Variants in LRRC7 observed in about 807,000 individuals in gnomAD.
LRRC7 encodes leucine rich repeat containing 7.
In LRRC7, 23 loss-of-function variants were observed where a neutral mutation model predicts 175.7. That is an observed-to-expected ratio of 0.13 (90% confidence interval 0.09 to 0.19). LRRC7 has a LOEUF of 0.19. Among genes scored for constraint, LRRC7 ranks in the 10% least tolerant of loss-of-function variants. LRRC7 has a pLI of 1.00. For synonymous variants in LRRC7, 685 were observed against 680.9 expected, an observed-to-expected ratio of 1.01 and a Z score of -0.09; for missense variants, 1,354 against 1,904.7, an observed-to-expected ratio of 0.71 and a Z score of 5.38.
chr1:69,887,455 G>GT (rs1168105154), intron 7 of LRRC7, among the ~76,000 whole-genome samples: 1 of 144,480 alleles, frequency 6.9e-6, no homozygotes, highest in Non-Finnish European at 1.5e-5. Flanking sequence ...TCGAGCCTTG[G>GT]TTTTCAGCTC....
chr1:69,608,852 CTCTCTCTCTCTCTCTA>C (rs1236987438), intron 1 of LRRC7, among the ~76,000 whole-genome samples: 672 of 43,550 alleles, frequency 0.015, 1 homozygote, highest in Non-Finnish European at 0.019. Context: ...CTCTCTCTCT[CTCTCTCTCTCTCTCTA>C]TATATATATA....
intron 5 of LRRC7, among the ~76,000 whole-genome samples, chr1:69,830,662 G>A (rs1680426910): frequency 6.6e-6 from 1 of 151,734 alleles, no homozygotes; most frequent in Admixed American, 6.6e-5. Flanking sequence ...AAATAAAGAA[G>A]ACATTAATTT....
At chr1:69,853,574 G>C (rs866531475) in intron 7 of LRRC7, among the ~76,000 whole-genome samples, 2 of 152,060 alleles carry the variant, frequency 1.3e-5, no homozygotes, top group Non-Finnish European at 2.9e-5. Context: ...ACCGCACCCT[G>C]CCCATTTGTT....
At chr1:70,042,264 A>T (rs1225339264) in intron 21 of LRRC7, among the ~76,000 whole-genome samples, 1 of 152,226 alleles carries the variant, frequency 6.6e-6, no homozygotes, top group Non-Finnish European at 1.5e-5. Flanking sequence ...TGAAGCACAG[A>T]CTTATTATGT....
Position 70,132,521 on chromosome 1 carries a change from G to A in LRRC7, c.*10634G>A, listed in dbSNP as rs1012794707. Among the ~76,000 whole-genome samples, 9 of 139,182 alleles carry A rather than the reference G, an allele frequency of 6.5e-5. No individual in the cohort carries two copies. The Middle Eastern group carries it at 0.012, about 187-fold the overall frequency. 91.3% of individuals were successfully genotyped at this position (139,182 alleles called of 152,430 possible). A position where few individuals can be genotyped will look rare whatever the true frequency, so the allele number is the denominator to read the frequency against. ...CACTCTGTCATCAGGCTGGAGGCTG[G>A]AGTGCAGTGGCACGATCTCAGCTTA... On this transcript the variant is annotated 3_prime_UTR_variant, in exon 27 of 27. Coordinates refer to ENST00000651989, the MANE Select transcript of LRRC7 (RefSeq NM_001370785.2).
At position 69,770,515 on chromosome 1, in the gene LRRC7, A is replaced by T. The variant is rs146010624; in HGVS notation, c.303+10122A>T. Among the ~76,000 whole-genome samples the T allele has an allele frequency of 1.1e-4, 16 of 152,280 alleles. No individual in the cohort carries two copies. The East Asian group carries it at 2.9e-3, about 28-fold the overall frequency. ...TTTCTCAAAACTTGAATGATCATTGATTATTTTTTTTCCTCCTACTTAAAA... is the reference window on the plus strand; with the variant it reads ...TTTCTCAAAACTTGAATGATCATTGTTTATTTTTTTTCCTCCTACTTAAAA... On this transcript the variant is annotated intron_variant, in intron 3 of 26. Transcript: ENST00000651989.
In LRRC7 at chr1:69,760,354, G is replaced by A. The variant is rs776029412; in HGVS notation, c.264G>A (p.Glu88=). ...EVFNFERTLE[E]LYLDANQIEE... ...TTAACTTCGAACGAACATTAGAGGA[G>A]CTTTATCTAGATGCCAATCAAATTG... The change falls in exon 3 of 27, where the codon GAG becomes GAA. Residue 88 remains glutamate, a synonymous_variant. Transcript: ENST00000651989. 1.2e-6 allele frequency: 2 copies of A among 1,612,704 alleles called. No homozygotes were observed. The highest frequency in any genetic ancestry group is 1.7e-6 in the Non-Finnish European group (2 of 1,179,162).
chr1:69,777,295 A>T (rs1280027341), intron 3 of LRRC7, among the ~76,000 whole-genome samples: 1 of 152,124 alleles, frequency 6.6e-6, no homozygotes, highest in Non-Finnish European at 1.5e-5. Context: ...GAAGGGAGGG[A>T]TGACATTGTT....
Position 70,038,276 on chromosome 1 carries a change from G to T in LRRC7, c.2452G>T (p.Val818Phe). Residue 818 changes from valine (V) to phenylalanine (F), a missense_variant, in exon 21 of 27, where the codon GTT becomes TTT. This residue lies in a region of LRRC7 where 1,032 missense variants were observed against 1,227.2 expected (regional missense o/e 0.84). Coordinates refer to ENST00000651989, the MANE Select transcript of LRRC7 (RefSeq NM_001370785.2). The part of the protein sequence containing the change: ...DGSHYDNTGF[V>F]AEETTAENAN... The stretch of plus-strand genomic sequence containing the variant: ...CTCGCATTATGACAACACAGGGTTT[G>T]TTGCTGAGGAAACCACAGCCGAGAA... 6.2e-7 allele frequency: 1 copy of T among 1,614,166 alleles called. No individual in the cohort carries two copies. Among genetic ancestry groups the T allele is most frequent in the Non-Finnish European group, 8.5e-7 (1 of 1,180,024 alleles).
chr1:69,908,902 T>C (rs1384979096), intron 7 of LRRC7, among the ~76,000 whole-genome samples: 1 of 151,456 alleles, frequency 6.6e-6, no homozygotes, highest in Non-Finnish European at 1.5e-5. Context: ...TGTGTGGGAG[T>C]CTAAGTCTCT....
intron 2 of LRRC7, among the ~76,000 whole-genome samples, 197 bp from the exon 3 acceptor site, chr1:69,759,994 G>A (rs1670862574): frequency 6.6e-6 from 1 of 152,018 alleles, no homozygotes; most frequent in South Asian, 2.1e-4. Context: ...GAATTTGCTA[G>A]ATGGGAATAA....
At chr1:69,911,336 C>G (rs534032950) in intron 7 of LRRC7, among the ~76,000 whole-genome samples, 1 of 152,308 alleles carries the variant, frequency 6.6e-6, no homozygotes, top group African/African-American at 2.4e-5. Context: ...ATTCGGCCTT[C>G]TTGGCTCCAC....
chr1:70,062,359 T>C (rs1661645027), intron 23 of LRRC7, among the ~76,000 whole-genome samples: 1 of 152,144 alleles, frequency 6.6e-6, no homozygotes, highest in Non-Finnish European at 1.5e-5. Flanking sequence ...TACGTAACTT[T>C]GCCAGTAATC....
chr1:69,790,956 A>G (rs954743433), intron 3 of LRRC7, among the ~76,000 whole-genome samples: 2 of 152,036 alleles, frequency 1.3e-5, no homozygotes, highest in Non-Finnish European at 2.9e-5. Flanking sequence ...AAGGCTAATG[A>G]GTTAAGACAT....
At chr1:70,041,000 CT>C (rs756427466) in intron 21 of LRRC7, among the ~76,000 whole-genome samples, 1 of 152,022 alleles carries the variant, frequency 6.6e-6, no homozygotes, top group Non-Finnish European at 1.5e-5. Flanking sequence ...TACTTTGTGG[CT>C]TTTAGGGTAG....
At position 70,076,246 on chromosome 1, in the gene LRRC7, G is replaced by T; in HGVS notation, c.4400G>T (p.Arg1467Leu). The T allele has an allele frequency of 1.2e-6, 2 of 1,614,080 alleles. No homozygotes were observed. The highest frequency in any genetic ancestry group is 1.7e-6 in the Non-Finnish European group (2 of 1,179,984). Residue 1467 changes from arginine to leucine, a missense_variant, in exon 24 of 27, where the codon CGG (arginine) becomes CTG (leucine). By Grantham distance (102) the Arg-to-Leu change is moderately radical (BLOSUM62 -2). This residue lies in a region of LRRC7 where 1,032 missense variants were observed against 1,227.2 expected (regional missense o/e 0.84). Transcript: ENST00000651989. The part of the protein sequence containing the change: ...SQATRGPQPG[R>L]CLIQTKGQRS... ...GCCACCCGGGGACCTCAGCCTGGAC[G>T]GTGCTTAATTCAAACTAAAGGGCAA...
At chr1:69,654,375 C>T (rs1418561371) in intron 1 of LRRC7, among the ~76,000 whole-genome samples, 1 of 151,924 alleles carries the variant, frequency 6.6e-6, no homozygotes, top group Non-Finnish European at 1.5e-5. Context: ...ATAATGTAAA[C>T]TGCTGATAGT....
intron 1 of LRRC7, among the ~76,000 whole-genome samples, chr1:69,615,868 A>G (rs1350127113): frequency 6.6e-6 from 1 of 152,030 alleles, no homozygotes; most frequent in Non-Finnish European, 1.5e-5. Flanking sequence ...AATGATCAGG[A>G]AGCAATCCCT....
intron 7 of LRRC7, among the ~76,000 whole-genome samples, chr1:69,906,422 G>A (rs1252748987): frequency 1.3e-5 from 2 of 152,116 alleles, no homozygotes; most frequent in Non-Finnish European, 1.5e-5. Flanking sequence ...AATCCATCTT[G>A]AATTAATTTT....
Sources: allele counts gnomAD v4.1 joint callset (sites outside exome capture counted in the v4.1 genomes callset), GRCh38; gene constraint gnomAD v4.1.1; regional missense constraint gnomAD v4.1.1; transcripts MANE v1.5; gene names NCBI Gene and HGNC (gene_info 2026-07-23, HGNC 2026-07-21).